The following CRACR2A variants were observed in gnomAD, a reference collection of about 807,000 sequenced individuals.
CRACR2A encodes EF-hand calcium-binding domain-containing protein 4B.
A neutral mutation model predicts 90.5 loss-of-function variants in CRACR2A; 79 were observed. The observed-to-expected ratio is 0.87, with a 90% CI of 0.73 to 1.05. The LOEUF is 1.05. CRACR2A is among the 50% of genes least tolerant of loss of function. The pLI, the probability that CRACR2A is intolerant of heterozygous loss-of-function variation, is 0.00. For missense variants in CRACR2A, 823 were observed against 897.2 expected (o/e 0.92, Z 1.06); for synonymous variants, 338 against 356.7 (o/e 0.95, Z 0.59).
intron 2 of CRACR2A, chr12:3,731,995 C>T (rs746710226): frequency 4.6e-5 from 7 of 152,224 alleles, no homozygotes; most frequent in Non-Finnish European, 7.3e-5. Flanking sequence ...GGAGACCTGA[C>T]ATTTCTGTTA....
intron 3 of CRACR2A, among the ~76,000 whole-genome samples, chr12:3,701,333 T>C (rs913120005): frequency 4.0e-5 from 6 of 150,948 alleles, no homozygotes; most frequent in Admixed American, 3.9e-4. Flanking sequence ...AAACCCAACG[T>C]AAGGAGAAAA....
intron 7 of CRACR2A, among the ~76,000 whole-genome samples, chr12:3,671,402 A>G (rs144358856): frequency 6.4e-4 from 98 of 152,308 alleles, no homozygotes; most frequent in African/African-American, 1.6e-3. Context: ...CCAAGGCTCA[A>G]GAGAAGCCAA....
At chr12:3,627,356 G>A (rs1443584486) in intron 17 of CRACR2A, 80 bp downstream of exon 17, 21 of 1,009,304 alleles carry the variant, frequency 2.1e-5, no homozygotes, top group Non-Finnish European at 2.8e-5. Flanking sequence ...AAAATGCAGA[G>A]GCCCACGTGG....
intron 11 of CRACR2A, among the ~76,000 whole-genome samples, chr12:3,645,393 G>GAAGT (rs1944665241): frequency 6.6e-6 from 1 of 152,208 alleles, no homozygotes; most frequent in African/African-American, 2.4e-5. Context: ...GAGTAGTTAG[G>GAAGT]AGATGAAGCG....
intron 6 of CRACR2A, 123 bp downstream of exon 6, chr12:3,678,792 C>T: frequency 8.8e-7 from 1 of 1,130,426 alleles, no homozygotes; most frequent in Non-Finnish European, 1.2e-6. Context: ...GGGCCTTTAC[C>T]TGCACTGCAT....
At chr12:3,664,742 C>T (rs1488934900) in intron 7 of CRACR2A, among the ~76,000 whole-genome samples, 2 of 152,220 alleles carry the variant, frequency 1.3e-5, no homozygotes, top group Non-Finnish European at 2.9e-5. Flanking sequence ...CACAGTGGCT[C>T]ACGCTTGTAA....
chr12:3,728,679 A>C (rs241972), intron 2 of CRACR2A: 124,092 of 152,264 alleles, frequency 0.81, 51,156 homozygotes, highest in African/African-American at 0.95. Flanking sequence ...GATGAGTGAT[A>C]CTTTGGGAGA....
At position 3,730,340 on chromosome 12, in the gene CRACR2A, T is replaced by C. The variant is rs564954033; in HGVS notation, c.-118+2602A>G. ...GGTCAGCAAGAGGTGGTGGGGAAGA[T>C]GCCAGAGCGGGGCAGGGAGGTCTCT... On this transcript the variant is annotated intron_variant, in intron 2 of 19. Transcript: ENST00000440314. The C allele has an allele frequency of 2.0e-5, 3 of 152,364 alleles. No homozygotes were observed. In the East Asian group the frequency reaches 5.8e-4, roughly 29 times the overall value. 9.4% of individuals were successfully genotyped at this position (152,364 alleles called of 1,614,324 possible).
chr12:3,675,862 T>C (rs1296018810), intron 6 of CRACR2A, among the ~76,000 whole-genome samples: 1 of 152,194 alleles, frequency 6.6e-6, no homozygotes, highest in Admixed American at 6.5e-5. Flanking sequence ...TTAAGCATTA[T>C]ATTTTAGAAA....
intron 2 of CRACR2A, chr12:3,730,008 G>A: frequency 6.6e-6 from 1 of 152,356 alleles, no homozygotes; most frequent in East Asian, 1.9e-4. Context: ...AGAGAGCAGA[G>A]TTCTTTCCCT....
chr12:3,683,878 A>G (rs532271789), intron 4 of CRACR2A, among the ~76,000 whole-genome samples: 25 of 152,316 alleles, frequency 1.6e-4, no homozygotes, highest in African/African-American at 6.0e-4. Flanking sequence ...TCTAGACCTC[A>G]CACACTCCAG....
Position 3,750,469 on chromosome 12 carries a change from C to T in CRACR2A, c.-387+2546G>A, listed in dbSNP as rs550895172. Among the ~76,000 whole-genome samples, 8 of 152,318 alleles carry T rather than the reference C, an allele frequency of 5.3e-5. No individual in the cohort carries two copies. The South Asian group carries it at 6.2e-4, about 12-fold the overall frequency. On this transcript the variant is annotated intron_variant, in intron 1 of 19. Coordinates refer to ENST00000440314, the MANE Select transcript of CRACR2A (RefSeq NM_001144958.2). ...CTATGACATTGTAAGAGGCCGTGGA[C>T]CTGCTCTTAAGATCCTGAATTCTGC... is the stretch of plus-strand genomic sequence containing the variant.
intron 12 of CRACR2A, among the ~76,000 whole-genome samples, chr12:3,642,870 G>T (rs1178444855): frequency 6.6e-6 from 1 of 152,206 alleles, no homozygotes; most frequent in Non-Finnish European, 1.5e-5. Context: ...GCCATCCCAT[G>T]ATTCCCAGTG....
chr12:3,673,378 G>GAAA lies in CRACR2A; in HGVS notation c.671+65_671+67dup. The GAAA allele has an allele frequency of 1.9e-6, 3 of 1,543,302 alleles. No individual in the cohort carries two copies. The South Asian group carries it at 3.8e-5, about 20-fold the overall frequency. The stretch of plus-strand genomic sequence containing the variant: ...CGATGTTTTGGCAGAAGATCTAAGA[G>GAAA]AAAGTGCACCGTGTGTCTCTCTTTT... On this transcript the variant is annotated intron_variant, in intron 7 of 19. Transcript: ENST00000440314.
chr12:3,751,756 G>A (rs1382521791), intron 1 of CRACR2A, among the ~76,000 whole-genome samples: 3 of 106,388 alleles, frequency 2.8e-5, no homozygotes, highest in Admixed American at 8.1e-5. Context: ...GTATAGAACC[G>A]AGAGGTGACA....
chr12:3,634,479 C>G (rs1466906557), intron 14 of CRACR2A, among the ~76,000 whole-genome samples: 1 of 152,116 alleles, frequency 6.6e-6, no homozygotes, highest in Non-Finnish European at 1.5e-5. Context: ...ACGGCTGGGA[C>G]AGGAAAGCCC....
rs1458469329 is a variant in CRACR2A at position 3,638,310 on chromosome 12, G to A, written c.1416C>T (p.Ile472=). ...GGGGCAGGGGGTCTTCTTCAACGGA[G>A]ATGATTCTGCGGAGCGGCCGGGGGT... is the stretch of plus-strand genomic sequence containing the variant. The part of the protein sequence containing the change: ...GPYPRPLRRI[I]SVEEDPLPQL... The change falls in exon 14 of 20, where the codon ATC becomes ATT. Residue 472 remains isoleucine, a synonymous_variant. Coordinates refer to ENST00000440314, the MANE Select transcript of CRACR2A (RefSeq NM_001144958.2). 4 of 1,551,644 alleles carry A rather than the reference G, an allele frequency of 2.6e-6. No homozygotes were observed. In the Admixed American group the frequency reaches 7.8e-5, roughly 30 times the overall value.
intron 2 of CRACR2A, among the ~76,000 whole-genome samples, chr12:3,715,052 C>A (rs1012100870): frequency 2.6e-5 from 4 of 152,224 alleles, no homozygotes; most frequent in African/African-American, 9.6e-5. Context: ...TGTCCCAAAC[C>A]TTGCCATCTC....
chr12:3,723,627 G>A (rs1022656049), intron 2 of CRACR2A, among the ~76,000 whole-genome samples: 6 of 152,074 alleles, frequency 3.9e-5, no homozygotes, highest in Non-Finnish European at 7.4e-5. Flanking sequence ...CCTCCATCCT[G>A]CTCCCTAACC....
Sources: allele counts gnomAD v4.1 joint callset (sites outside exome capture counted in the v4.1 genomes callset), GRCh38; gene constraint gnomAD v4.1.1; transcripts MANE v1.5; gene names NCBI Gene and HGNC (gene_info 2026-07-23, HGNC 2026-07-21).